The following RGPD1 variants were observed in gnomAD, a reference collection of about 807,000 sequenced individuals.
The protein encoded by RGPD1 is RANBP2-like and GRIP domain-containing protein 1.
RGPD1 carries 7 observed loss-of-function variants against 40.6 expected under a neutral mutation model. The ratio of observed to expected loss-of-function variants is 0.17; its 90% CI spans 0.10 to 0.32. RGPD1 has a LOEUF of 0.32. Among genes scored for constraint, RGPD1 ranks in the 10% least tolerant of loss-of-function variants. The probability of loss-of-function intolerance (pLI) is 1.00; values close to 1 mark genes in which losing one functional copy is unlikely to be tolerated. For synonymous variants in RGPD1, 24 were observed against 167.0 expected (o/e 0.14, Z 6.60); for missense variants, 50 against 472.5 (o/e 0.11, Z 8.29).
chr2:86,942,333 C>T (rs1482934722), intron 1 of RGPD1, 25 bp downstream of exon 1: 35 of 971,794 alleles, frequency 3.6e-5, no homozygotes, highest in Non-Finnish European at 3.9e-5. Context: ...AAGAGACCGA[C>T]GGCCTCGACC....
intron 1 of RGPD1, among the ~76,000 whole-genome samples, chr2:86,914,418 G>GGGCGGCGGC (rs1175704937): frequency 1.0e-4 from 1 of 9,836 alleles, no homozygotes; most frequent in Admixed American, 1.4e-3. Flanking sequence ...CGACCTGGCC[G>GGGCGGCGGC]GGCGGCGGCG....
intron 1 of RGPD1, among the ~76,000 whole-genome samples, chr2:86,943,831 C>T (rs6760100): frequency 0.59 from 88,905 of 151,786 alleles, 27,971 homozygotes; most frequent in African/African-American, 0.82. Context: ...GCTAACATGT[C>T]GAGACCTCGT....
At chr2:86,955,949 T>G (rs915113135) in intron 4 of RGPD1, among the ~76,000 whole-genome samples, 1 of 150,946 alleles carries the variant, frequency 6.6e-6, no homozygotes, top group African/African-American at 2.5e-5. Flanking sequence ...ACAAGTAAGA[T>G]ACTTTGAAGC....
intron 1 of RGPD1, among the ~76,000 whole-genome samples, chr2:86,926,998 T>C (rs71217804): frequency 6.6e-6 from 1 of 152,246 alleles, no homozygotes; most frequent in Non-Finnish European, 1.5e-5. Context: ...CTTGGTACTG[T>C]TCCTGATCTT....
At chr2:86,945,375 G>C (rs918850616) in intron 1 of RGPD1, among the ~76,000 whole-genome samples, 1 of 152,082 alleles carries the variant, frequency 6.6e-6, no homozygotes, top group Non-Finnish European at 1.5e-5. Flanking sequence ...GACAAAACAG[G>C]GTGCTTTGGA....
intron 1 of RGPD1, among the ~76,000 whole-genome samples, chr2:86,929,716 T>TA (rs1491200908): frequency 5.3e-5 from 6 of 112,518 alleles, no homozygotes; most frequent in Non-Finnish European, 7.6e-5. Context: ...TTTTTTTTTT[T>TA]AGCTGGTTCA....
chr2:86,944,476 C>G (rs1573613383), intron 1 of RGPD1, among the ~76,000 whole-genome samples: 1 of 151,824 alleles, frequency 6.6e-6, no homozygotes, highest in African/African-American at 2.4e-5. Flanking sequence ...TATCTCGACT[C>G]ACTGCAACTT....
intron 1 of RGPD1, among the ~76,000 whole-genome samples, chr2:86,929,847 AG>A (rs1298990437): frequency 6.9e-6 from 1 of 144,600 alleles, no homozygotes; most frequent in African/African-American, 2.5e-5. Flanking sequence ...CTAGGTAGGC[AG>A]GGAGGGGCCA....
intron 1 of RGPD1, among the ~76,000 whole-genome samples, chr2:86,935,563 A>C (rs1477892909): frequency 1.7e-5 from 2 of 119,078 alleles, no homozygotes; most frequent in African/African-American, 5.8e-5. Flanking sequence ...TTATTTTCTG[A>C]TACTCATATT....
At chr2:86,945,269 A>G (rs1680263757) in intron 1 of RGPD1, among the ~76,000 whole-genome samples, 1 of 151,984 alleles carries the variant, frequency 6.6e-6, no homozygotes, top group Non-Finnish European at 1.5e-5. Flanking sequence ...AAAGTCATTT[A>G]CATTAGAACC....
intron 1 of RGPD1, among the ~76,000 whole-genome samples, chr2:86,942,929 G>A (rs886589640): frequency 6.6e-6 from 1 of 151,994 alleles, no homozygotes; most frequent in Non-Finnish European, 1.5e-5. Flanking sequence ...TCGTGGGCCC[G>A]CCCTGGCCCG....
At chr2:86,914,610 G>GGGC (rs1197363366) in intron 1 of RGPD1, among the ~76,000 whole-genome samples, 9 of 38,552 alleles carry the variant, frequency 2.3e-4, no homozygotes, top group Admixed American at 2.7e-4. Flanking sequence ...CGACCTGGCC[G>GGGC]GGCGGCGGCG....
At chr2:86,938,462 T>C (rs1290151354), upstream of RGPD1, among the ~76,000 whole-genome samples, 1 of 104,746 alleles carries the variant, frequency 9.5e-6, no homozygotes, top group Admixed American at 8.3e-5. Flanking sequence ...AGTTAAACTT[T>C]AAGGATTAAT....
intron 1 of RGPD1, among the ~76,000 whole-genome samples, chr2:86,935,946 TG>T (rs1573593618): frequency 6.8e-6 from 1 of 146,196 alleles, no homozygotes; most frequent in Non-Finnish European, 1.5e-5. Flanking sequence ...TTGCATTGGA[TG>T]GGGGCAGATA....
At position 86,915,232 on chromosome 2, in the gene RGPD1, G is replaced by T. The variant is rs1313776148; in HGVS notation, c.72+1311G>T. 3.3e-5 allele frequency among the ~76,000 whole-genome samples: 5 copies of T among 150,692 alleles called. 1 individual carries two copies. The highest frequency in any genetic ancestry group is 9.8e-5 in the African/African-American group (4 of 40,986). ...AATTGCTTGAACCCAGAATGCGGAG[G>T]TTGCGGTGAGCCAAGATCGTGCCAC... On this transcript the variant is annotated intron_variant, in intron 1 of 22. Coordinates refer to the RGPD1 transcript ENST00000398193.
intron 1 of RGPD1, among the ~76,000 whole-genome samples, chr2:86,945,072 C>T (rs1436487244): frequency 6.7e-6 from 1 of 148,218 alleles, no homozygotes; most frequent in Non-Finnish European, 1.5e-5. Context: ...TAGAGCCTTT[C>T]TGAGATTCTT....
At chr2:86,928,537 T>C (rs1678671619) in intron 1 of RGPD1, among the ~76,000 whole-genome samples, 1 of 152,186 alleles carries the variant, frequency 6.6e-6, no homozygotes, top group Middle Eastern at 3.4e-3. Flanking sequence ...GGAACTGCTG[T>C]GGTAATTTAG....
At chr2:86,942,909 C>A (rs923784985) in intron 1 of RGPD1, among the ~76,000 whole-genome samples, 2 of 152,126 alleles carry the variant, frequency 1.3e-5, no homozygotes. Context: ...TTGTTCCCGA[C>A]GGTGCTCGCT....
chr2:86,938,947 A>G (rs1679533087), upstream of RGPD1, among the ~76,000 whole-genome samples: 1 of 124,696 alleles, frequency 8.0e-6, no homozygotes, highest in Admixed American at 8.1e-5. Context: ...TGTCAAAAAC[A>G]TAGTATCTGT....
Sources: gnomAD v4.1 joint callset for allele counts (sites outside exome capture counted in the v4.1 genomes callset) on GRCh38, gnomAD v4.1.1 for gene constraint, MANE v1.5 for transcripts, NCBI Gene and HGNC (gene_info 2026-07-23, HGNC 2026-07-21) for gene names.